MTCL2: variants seen among roughly 807,000 people sequenced by gnomAD.
MTCL2 encodes microtubule crosslinking factor 2, also known as microtubule cross-linking factor 2.
the MTCL2 span, among the ~76,000 whole-genome samples, chr20:36,859,330 C>G: frequency 7.9e-5 from 12 of 152,260 alleles, no homozygotes; most frequent in African/African-American, 2.9e-4. Context: ...TTGAAGGTCT[C>G]AGGTGACGTG....
chr20:36,796,733 G>C, the MTCL2 span: 1 of 701,134 alleles, frequency 1.4e-6, no homozygotes. Context: ...ACTTGGATGC[G>C]GTGGGGTGGC....
chr20:36,779,205 T>C, the MTCL2 span: 1 of 152,158 alleles, frequency 6.6e-6, no homozygotes, highest in African/African-American at 2.4e-5. Flanking sequence ...TGCTGTTGGG[T>C]TGGGAGGGGT....
At chr20:36,819,888 G>A in the MTCL2 span, among the ~76,000 whole-genome samples, 2 of 152,190 alleles carry the variant, frequency 1.3e-5, no homozygotes, top group Non-Finnish European at 2.9e-5. Context: ...GCTGACCTGG[G>A]AGCTTTCAAA....
chr20:36,795,469 T>C, the MTCL2 span, among the ~76,000 whole-genome samples: 656 of 152,268 alleles, frequency 4.3e-3, 7 homozygotes, highest in African/African-American at 0.015. Flanking sequence ...TGATGGTTTT[T>C]TTTTCTGCCT....
the MTCL2 span, chr20:36,794,042 T>G: frequency 1.9e-6 from 3 of 1,551,190 alleles, no homozygotes; most frequent in Admixed American, 2.0e-5. This position sits in a 1 kb window ranked among gnomAD's most constrained non-coding sequence, Gnocchi z 5.4. Context: ...GTTGGTGATC[T>G]CCTTCATGTC....
chr20:36,810,192 G>A, the MTCL2 span: 4 of 1,465,950 alleles, frequency 2.7e-6, no homozygotes, highest in East Asian at 2.5e-5. Context: ...GATGACAGTG[G>A]TAGGGGAACG....
At chr20:36,788,380 G>A in the MTCL2 span, among the ~76,000 whole-genome samples, 14 of 152,096 alleles carry the variant, frequency 9.2e-5, no homozygotes, top group Admixed American at 3.3e-4. Context: ...GCCCGGGCGC[G>A]GTGGCTCATG....
the MTCL2 span, among the ~76,000 whole-genome samples, chr20:36,833,866 G>GAAAC: frequency 5.9e-5 from 9 of 151,320 alleles, no homozygotes; most frequent in Admixed American, 4.0e-4. Flanking sequence ...AAGAAAGAAA[G>GAAAC]AAACAAAGAA....
the MTCL2 span, among the ~76,000 whole-genome samples, chr20:36,826,575 G>A: frequency 2.0e-5 from 3 of 151,256 alleles, no homozygotes; most frequent in Non-Finnish European, 4.4e-5. Flanking sequence ...ACGGGGTTTT[G>A]CCATGTTGCT....
chr20:36,786,090 T>C, the MTCL2 span: 5 of 988,050 alleles, frequency 5.1e-6, no homozygotes, highest in African/African-American at 8.7e-5. Context: ...GAAACATCTC[T>C]CCGACTCCTT....
At chr20:36,802,956 C>T in the MTCL2 span, 19 of 1,580,958 alleles carry the variant, frequency 1.2e-5, no homozygotes, top group African/African-American at 2.7e-5. Context: ...GCTCCAGTTG[C>T]GCTCACTGAT....
the MTCL2 span, among the ~76,000 whole-genome samples, chr20:36,807,240 G>A: frequency 6.6e-6 from 1 of 152,168 alleles, no homozygotes; most frequent in South Asian, 2.1e-4. Context: ...ATAGGGTGAT[G>A]CAGGGTCTTG....
chr20:36,862,733 C>T, the MTCL2 span: 5,243 of 1,491,446 alleles, frequency 3.5e-3, 15 homozygotes, highest in Non-Finnish European at 4.1e-3. Context: ...CCAGCATCTC[C>T]TCGGTGAGGT....
At chr20:36,812,822 G>T in the MTCL2 span, 4 of 1,612,494 alleles carry the variant, frequency 2.5e-6, no homozygotes, top group South Asian at 4.4e-5. Flanking sequence ...CTCCCATTCC[G>T]GCAGGTCCCT....
At chr20:36,816,309 T>G in the MTCL2 span, 2 of 1,564,262 alleles carry the variant, frequency 1.3e-6, no homozygotes. Flanking sequence ...ACTGTCCTCC[T>G]GGGACCACAG....
chr20:36,794,350 A>G, the MTCL2 span: 2 of 1,597,918 alleles, frequency 1.3e-6, no homozygotes, highest in African/African-American at 2.7e-5. The surrounding 1 kb of genome is among the most constrained non-coding windows in gnomAD (Gnocchi z 5.4). Flanking sequence ...TCTTGTCAGG[A>G]GCCGTGTAGC....
the MTCL2 span, among the ~76,000 whole-genome samples, chr20:36,788,782 CT>C: frequency 1.3e-5 from 2 of 150,982 alleles, no homozygotes; most frequent in Non-Finnish European, 3.0e-5. Context: ...TCCCCTCTCT[CT>C]TTTTTTCTTT....
At chr20:36,816,080 C>T in the MTCL2 span, 5 of 1,613,646 alleles carry the variant, frequency 3.1e-6, no homozygotes, top group South Asian at 1.1e-5. Flanking sequence ...TGGCTTCCTC[C>T]TCCACCAGCT....
chr20:36,791,440 A>G, the MTCL2 span, among the ~76,000 whole-genome samples: 22 of 152,216 alleles, frequency 1.4e-4, no homozygotes, highest in Admixed American at 7.9e-4. Flanking sequence ...CCACAGCATT[A>G]TTTGCAGTAG....
Sources: gnomAD v4.1 joint callset for allele counts (sites outside exome capture counted in the v4.1 genomes callset) on GRCh38, gnomAD v4.1.1 for gene constraint, Gnocchi (gnomAD v3.1) non-coding constraint, MANE v1.5 for transcripts, NCBI Gene and HGNC (gene_info 2026-07-23, HGNC 2026-07-21) for gene names.